Variants in KLF7 observed in about 807,000 individuals in gnomAD.
KLF7 encodes the protein Krueppel-like factor 7.
Under a neutral mutation model 27.3 loss-of-function variants are expected in KLF7, and 2 were observed. The observed-to-expected ratio is 0.07, with a 90% confidence interval of 0.03 to 0.23. The LOEUF is 0.23. Among genes scored for constraint, KLF7 ranks in the 10% least tolerant of loss-of-function variants. The probability of loss-of-function intolerance (pLI) is 1.00; values close to 1 mark genes in which losing one functional copy is unlikely to be tolerated. For missense variants in KLF7, 221 were observed against 394.1 expected, an observed-to-expected ratio of 0.56 and a Z score of 3.72; for synonymous variants, 165 against 162.4, an observed-to-expected ratio of 1.02 and a Z score of -0.12.
intron 1 of KLF7, among the ~76,000 whole-genome samples, chr2:207,135,011 G>A (rs776565622): frequency 7.9e-5 from 12 of 152,146 alleles, no homozygotes; most frequent in Non-Finnish European, 1.8e-4. Context: ...GAAACCTATC[G>A]AGGGCATGGA....
intron 2 of KLF7, among the ~76,000 whole-genome samples, chr2:207,100,479 C>T (rs566157193): frequency 6.6e-6 from 1 of 152,218 alleles, no homozygotes; most frequent in South Asian, 2.1e-4. Context: ...CTTCACATAC[C>T]ACTGCCTATG....
chr2:207,096,619 A>T (rs1255812070), intron 2 of KLF7, among the ~76,000 whole-genome samples: 2 of 152,142 alleles, frequency 1.3e-5, no homozygotes, highest in Non-Finnish European at 1.5e-5. Flanking sequence ...ACAGTCATAA[A>T]ACCAAAAGGC....
At chr2:207,143,073 T>C (rs2077989272) in intron 1 of KLF7, among the ~76,000 whole-genome samples, 1 of 152,170 alleles carries the variant, frequency 6.6e-6, no homozygotes, top group Admixed American at 6.5e-5. Context: ...TTTTTCAGAC[T>C]GATACTCCCA....
intron 1 of KLF7, among the ~76,000 whole-genome samples, chr2:207,136,926 T>G (rs1278651389): frequency 2.6e-5 from 4 of 152,186 alleles, no homozygotes; most frequent in Admixed American, 2.0e-4. Flanking sequence ...TGCTTCGTAC[T>G]CATCAGACAG....
In KLF7 at chr2:207,124,205, C is replaced by T. The variant is rs369397059; in HGVS notation, c.302G>A (p.Arg101Gln). ...GCAGGTCTCAGATAGCAACTTGTCC[C>T]GAGAGAGCAAGATGTCCACTGCCGA... Reference protein sequence around the residue: ...KSSAVDILLSRDKLLSETCLS... With the variant: ...KSSAVDILLSQDKLLSETCLS... The change falls in exon 2 of 4, where the codon CGG (arginine) becomes CAG (glutamine). Residue 101 changes from arginine (R) to glutamine (Q), a missense_variant. This residue lies in a region of KLF7 where 180 missense variants were observed against 227.9 expected (regional missense o/e 0.79). Transcript: ENST00000309446. The T allele has an allele frequency of 6.3e-5, 101 of 1,613,910 alleles. No individual in the cohort carries two copies. Among genetic ancestry groups the T allele is most frequent in the Non-Finnish European group, 8.1e-5 (96 of 1,180,024 alleles).
At chr2:207,086,000 A>C (rs893181792) in intron 3 of KLF7, among the ~76,000 whole-genome samples, 5 of 151,840 alleles carry the variant, frequency 3.3e-5, no homozygotes, top group African/African-American at 1.2e-4. Flanking sequence ...AAAAAAAAAA[A>C]AACCAAACCA....
chr2:207,097,599 T>G (rs1476646024), intron 2 of KLF7, among the ~76,000 whole-genome samples: 1 of 152,318 alleles, frequency 6.6e-6, no homozygotes, highest in South Asian at 2.1e-4. Context: ...TCATGTGCCA[T>G]TTTTAACAAC....
At chr2:207,103,101 T>A (rs1207860478) in intron 2 of KLF7, among the ~76,000 whole-genome samples, 3 of 152,142 alleles carry the variant, frequency 2.0e-5, no homozygotes, top group Non-Finnish European at 4.4e-5. Flanking sequence ...CTAATTTTTG[T>A]ATTTTTAGTA....
intron 1 of KLF7, among the ~76,000 whole-genome samples, chr2:207,145,458 T>C (rs909585342): frequency 3.3e-5 from 5 of 152,206 alleles, no homozygotes; most frequent in Non-Finnish European, 5.9e-5. Flanking sequence ...GATACATGGA[T>C]GGGAAGTTAT....
At position 207,075,630 on chromosome 2, in the gene KLF7, G is replaced by A. The variant is rs2076162129; in HGVS notation, c.*5583C>T. 6.6e-6 allele frequency: 1 copy of A among 152,078 alleles called. No individual in the cohort carries two copies. Among genetic ancestry groups the A allele is most frequent in the African/African-American group, 2.4e-5 (1 of 41,404 alleles). 9.4% of individuals were successfully genotyped at this position (152,078 alleles called of 1,614,324 possible). A position where few individuals can be genotyped will look rare whatever the true frequency, so the allele number is the denominator to read the frequency against. On this transcript the variant is annotated 3_prime_UTR_variant, in exon 4 of 4. Transcript: ENST00000309446. ...ATTTGAAAGAAAAGTTTCAGTGGCTGGGAAGTTGTGTGGGAGTAGGAAGTG... is the reference window on the plus strand; with the variant it reads ...ATTTGAAAGAAAAGTTTCAGTGGCTAGGAAGTTGTGTGGGAGTAGGAAGTG...
chr2:207,090,514 A>G (rs2076487524), intron 2 of KLF7, among the ~76,000 whole-genome samples: 1 of 152,194 alleles, frequency 6.6e-6, no homozygotes, highest in African/African-American at 2.4e-5. Context: ...TCAGCCTTGC[A>G]TGCAGTCAGT....
At chr2:207,149,619 A>G (rs1445444944) in intron 1 of KLF7, among the ~76,000 whole-genome samples, 3 of 152,204 alleles carry the variant, frequency 2.0e-5, no homozygotes, top group African/African-American at 7.2e-5. Flanking sequence ...GCAGTATGAG[A>G]GTGCAGCTTT....
At chr2:207,126,085 C>T (rs970938975) in intron 1 of KLF7, among the ~76,000 whole-genome samples, 1 of 152,080 alleles carries the variant, frequency 6.6e-6, no homozygotes, top group African/African-American at 2.4e-5. Context: ...CAGTAGCTTC[C>T]CACTACTCTA....
intron 2 of KLF7, among the ~76,000 whole-genome samples, chr2:207,123,472 G>A (rs905927364): frequency 6.6e-6 from 1 of 152,196 alleles, no homozygotes; most frequent in African/African-American, 2.4e-5. Context: ...TCAGGAAAGC[G>A]ACAAGTGTCT....
At chr2:207,164,623 TG>T (rs1299793309) in intron 1 of KLF7, among the ~76,000 whole-genome samples, 2 of 152,234 alleles carry the variant, frequency 1.3e-5, no homozygotes, top group African/African-American at 4.8e-5. Flanking sequence ...TCATCCTCCC[TG>T]GGACGGCTAG....
chr2:207,081,061 ATGTG>A lies in KLF7; in HGVS notation c.*148_*151del, dbSNP rs59847589. The A allele has an allele frequency of 5.5e-4, 368 of 670,884 alleles. No individual in the cohort carries two copies. The highest frequency in any genetic ancestry group is 2.0e-4 in the Non-Finnish European group (76 of 372,088). The allele number at this position is 670,884 out of a possible 1,614,324, so 41.6% of individuals were successfully genotyped here. On this transcript the variant is annotated 3_prime_UTR_variant, in exon 4 of 4. Transcript: ENST00000309446. ...TGTGTGGGTCTGTGAGTGTGTGTAT[ATGTG>A]TGTGTGTGTGTGTGTGTGTACAGAG...
Position 207,081,031 on chromosome 2 carries a change from G to A in KLF7, c.*182C>T, listed in dbSNP as rs989852064. 2 of 657,062 alleles carry A rather than the reference G, an allele frequency of 3.0e-6. No homozygotes were observed. The highest frequency in any genetic ancestry group is 5.5e-6 in the Non-Finnish European group (2 of 365,450). 40.7% of individuals were successfully genotyped at this position (657,062 alleles called of 1,614,324 possible). A position where few individuals can be genotyped will look rare whatever the true frequency, so the allele number is the denominator to read the frequency against. On this transcript the variant is annotated 3_prime_UTR_variant, in exon 4 of 4. Transcript: ENST00000309446. The stretch of plus-strand genomic sequence containing the variant: ...AATATAGTTGAGTGCATGACAGTGT[G>A]TATGTGTGTGGGTCTGTGAGTGTGT...
In KLF7 at chr2:207,080,560, C is replaced by T. The variant is rs187544376; in HGVS notation, c.*653G>A. 9.3e-5 allele frequency: 30 copies of T among 323,684 alleles called. No individual in the cohort carries two copies. In the East Asian group the frequency reaches 1.3e-3, roughly 14 times the overall value. The allele number at this position is 323,684 out of a possible 1,614,324, so 20.1% of individuals were successfully genotyped here. ...CCGCCGCTAAGGCCGTTGGGATCGA[C>T]GCGAAAGATCTCAATAGTACTAAGA... On this transcript the variant is annotated 3_prime_UTR_variant, in exon 4 of 4. Coordinates refer to ENST00000309446, the MANE Select transcript of KLF7 (RefSeq NM_003709.4).
chr2:207,161,469 G>A (rs566233767), intron 1 of KLF7, among the ~76,000 whole-genome samples: 2 of 152,312 alleles, frequency 1.3e-5, no homozygotes, highest in Admixed American at 1.3e-4. Flanking sequence ...GGCTATCTGC[G>A]AATTGGGGAC....
Sources: allele counts gnomAD v4.1 joint callset (sites outside exome capture counted in the v4.1 genomes callset), GRCh38; gene constraint gnomAD v4.1.1; regional missense constraint gnomAD v4.1.1; transcripts MANE v1.5; gene names NCBI Gene and HGNC (gene_info 2026-07-23, HGNC 2026-07-21).